CPNE9: variants seen among roughly 807,000 people sequenced by gnomAD.
The protein encoded by CPNE9 is copine family member 9.
In CPNE9, 59 loss-of-function variants were observed where a neutral mutation model predicts 83.0. That is an observed-to-expected ratio of 0.71 (90% CI 0.58 to 0.88). The LOEUF is 0.88. Among genes scored for constraint, CPNE9 ranks in the 40% least tolerant of loss-of-function variants. The pLI is 0.00. For missense variants in CPNE9, 619 were observed against 720.8 expected (o/e 0.86, Z 1.62); for synonymous variants, 256 against 273.4 (o/e 0.94, Z 0.63).
intron 20 of CPNE9, 23 bp downstream of exon 20, chr3:9,727,209 T>A (rs2076792651): frequency 6.2e-7 from 1 of 1,613,918 alleles, no homozygotes; most frequent in East Asian, 2.2e-5. Flanking sequence ...TGGGAGAGGC[T>A]GTGGAGCTGA....
chr3:9,714,371 T>C (rs1447944664), intron 10 of CPNE9, among the ~76,000 whole-genome samples: 2 of 152,116 alleles, frequency 1.3e-5, no homozygotes, highest in Non-Finnish European at 1.5e-5. Context: ...TGGGCTGATA[T>C]ACTGATAGGT....
At chr3:9,706,264 C>CT (rs367590171) in intron 7 of CPNE9, among the ~76,000 whole-genome samples, 6,051 of 145,568 alleles carry the variant, frequency 0.042, 406 homozygotes, top group African/African-American at 0.14. Flanking sequence ...CTTTTCTTTT[C>CT]TTTTTTTTTT....
At chr3:9,716,410 A>G (rs1229709267) in intron 14 of CPNE9, among the ~76,000 whole-genome samples, 1 of 152,160 alleles carries the variant, frequency 6.6e-6, no homozygotes, top group Non-Finnish European at 1.5e-5. Flanking sequence ...TGGTGGAGGC[A>G]GGCAGACCTG....
chr3:9,726,976 G>A (rs1415904001), intron 19 of CPNE9, 137 bp from the exon 20 acceptor site: 135 of 941,046 alleles, frequency 1.4e-4, no homozygotes, highest in Admixed American at 3.9e-5. Flanking sequence ...ACTCCATAAC[G>A]AAGACTGATA....
At chr3:9,715,042 G>GC in intron 11 of CPNE9, 87 bp downstream of exon 11, 2 of 1,272,644 alleles carry the variant, frequency 1.6e-6, no homozygotes, top group Non-Finnish European at 2.3e-6. Context: ...GAACCCCAAA[G>GC]TAGCTTTAGG....
intron 16 of CPNE9, 47 bp downstream of exon 16, chr3:9,718,257 C>A: frequency 6.5e-7 from 1 of 1,535,048 alleles, no homozygotes. Context: ...GCATCTGGTT[C>A]ACCCAAGTTG....
chr3:9,709,201 G>T (rs1222291043), intron 7 of CPNE9, among the ~76,000 whole-genome samples: 1 of 147,970 alleles, frequency 6.8e-6, no homozygotes, highest in African/African-American at 2.5e-5. Flanking sequence ...GCCTGAACCC[G>T]GGAGGCGGAG....
intron 17 of CPNE9, among the ~76,000 whole-genome samples, chr3:9,725,673 T>C: frequency 3.1e-5 from 1 of 32,200 alleles, no homozygotes; most frequent in Non-Finnish European, 6.2e-5. Flanking sequence ...TGTATATATA[T>C]GTGTATATAT....
At chr3:9,718,990 C>G (rs1435543458) in intron 17 of CPNE9, among the ~76,000 whole-genome samples, 2 of 151,850 alleles carry the variant, frequency 1.3e-5, no homozygotes, top group South Asian at 4.2e-4. Flanking sequence ...GCGCATGCCA[C>G]CACACTTGGC....
At chr3:9,725,674 G>GTATATATA (rs1559646088) in intron 17 of CPNE9, among the ~76,000 whole-genome samples, 10 of 29,166 alleles carry the variant, frequency 3.4e-4, no homozygotes, top group African/African-American at 1.4e-3. Context: ...GTATATATAT[G>GTATATATA]TGTATATATA....
chr3:9,704,006 G>T lies in CPNE9; in HGVS notation c.10G>T (p.Gly4Cys). The change falls in exon 1 of 21, where the codon GGC (glycine) becomes TGC (cysteine). Residue 4 changes from glycine (G) to cysteine (C), a missense_variant. This residue lies in a region of CPNE9 where 130 missense variants were observed against 117.5 expected (regional missense o/e 1.11). Coordinates refer to ENST00000383832, the MANE Select transcript of CPNE9 (RefSeq NM_153635.3). The surrounding 1 kb of genome is among the most constrained non-coding windows in gnomAD (Gnocchi z 7.1). MSL[G>C]GASERSVPAT... ...GGTCGCCCGACCAGCCATGTCTCTCGGCGGAGCCTCCGAGCGCAGCGTCCC... is the reference window on the plus strand; with the variant it reads ...GGTCGCCCGACCAGCCATGTCTCTCTGCGGAGCCTCCGAGCGCAGCGTCCC... The T allele has an allele frequency of 6.2e-7, 1 of 1,606,354 alleles. No individual in the cohort carries two copies. Among genetic ancestry groups the T allele is most frequent in the Non-Finnish European group, 8.5e-7 (1 of 1,178,262 alleles).
chr3:9,724,775 A>G (rs1010512309), intron 17 of CPNE9, among the ~76,000 whole-genome samples: 1 of 150,096 alleles, frequency 6.7e-6, no homozygotes, highest in Non-Finnish European at 1.5e-5. Flanking sequence ...TATCTATCTG[A>G]GACGGAGTCT....
chr3:9,717,130 C>A (rs371259735), intron 15 of CPNE9, 26 bp downstream of exon 15: 1 of 1,613,426 alleles, frequency 6.2e-7, no homozygotes, highest in South Asian at 1.1e-5. Flanking sequence ...GTGAAAAAGT[C>A]GGAGGTGGGA....
chr3:9,715,838 G>A (rs1559641141), intron 13 of CPNE9, 136 bp from the exon 14 acceptor site: 3 of 716,048 alleles, frequency 4.2e-6, no homozygotes, highest in Admixed American at 4.9e-5. Flanking sequence ...TGAACAGGGT[G>A]GGACTGACTG....
intron 19 of CPNE9, 131 bp downstream of exon 19, chr3:9,726,853 A>G: frequency 1.2e-6 from 1 of 853,978 alleles, no homozygotes. Context: ...GTCAAGTCAC[A>G]GACCTTCTCT....
intron 5 of CPNE9, 73 bp from the exon 6 acceptor site, chr3:9,705,641 TCCTG>T: frequency 6.3e-7 from 1 of 1,591,098 alleles, no homozygotes; most frequent in Non-Finnish European, 8.6e-7. Flanking sequence ...GTCCCTCTCC[TCCTG>T]CCTGAGTGTC....
chr3:9,712,546 T>A lies in CPNE9; in HGVS notation c.383T>A (p.Val128Glu), dbSNP rs571764241. The A allele has an allele frequency of 6.2e-7, 1 of 1,614,052 alleles. No individual in the cohort carries two copies. Among genetic ancestry groups the A allele is most frequent in the South Asian group, 1.1e-5 (1 of 91,080 alleles). ...GAGGCTTTTTCTGCTTCCAGGGGTGTACCAGGCAAGAAGTGTGGGACCATA... is the reference window on the plus strand; with the variant it reads ...GAGGCTTTTTCTGCTTCCAGGGGTGAACCAGGCAAGAAGTGTGGGACCATA... ...GSRVERTLTG[V>E]PGKKCGTILL... is the part of the protein sequence containing the mutation. The change falls in exon 8 of 21, where the codon GTA becomes GAA. Residue 128 changes from valine (V) to glutamate (E), a missense_variant. This residue lies in a region of CPNE9 where 438 missense variants were observed against 562.9 expected (regional missense o/e 0.78). Transcript: ENST00000383832.
At position 9,729,520 on chromosome 3, in the gene CPNE9, G is replaced by A. The variant is rs767780177; in HGVS notation, c.1490G>A (p.Arg497Gln). The A allele has an allele frequency of 1.3e-5, 21 of 1,613,122 alleles. No individual in the cohort carries two copies. Among genetic ancestry groups the A allele is most frequent in the South Asian group, 2.2e-5 (2 of 91,044 alleles). The part of the protein sequence containing the change: ...ERDIVQFVPF[R>Q]DYVDRSGNQV... The stretch of plus-strand genomic sequence containing the variant: ...TGCCTGACCCAGTTCGTCCCATTCC[G>A]AGACTATGTTGACCGGTCGGGGAAC... Residue 497 changes from arginine to glutamine, a missense_variant, in exon 21 of 21, where the codon CGA becomes CAA. By Grantham distance (43) the Arg-to-Gln change is conservative (BLOSUM62 1). Around this residue, in one of 3 missense-constraint regions of CPNE9, gnomAD observed 438 missense variants for 562.9 expected, o/e 0.78. Transcript: ENST00000383832.
chr3:9,705,587 C>A, intron 5 of CPNE9, 87 bp downstream of exon 5: 2 of 1,560,634 alleles, frequency 1.3e-6, no homozygotes, highest in Non-Finnish European at 1.8e-6. Context: ...TCCCAACCCT[C>A]GACCCAGACC....
Sources: gnomAD v4.1 joint callset for allele counts (sites outside exome capture counted in the v4.1 genomes callset) on GRCh38, gnomAD v4.1.1 for gene constraint, gnomAD v4.1.1 regional missense constraint, Gnocchi (gnomAD v3.1) non-coding constraint, MANE v1.5 for transcripts, NCBI Gene and HGNC (gene_info 2026-07-23, HGNC 2026-07-21) for gene names.